The following NPHS2 variants were observed in gnomAD, a reference collection of about 807,000 sequenced individuals.
The protein encoded by NPHS2 is NPHS2 stomatin family member, podocin, also known as podocin.
A neutral mutation model predicts 37.1 loss-of-function variants in NPHS2; 36 were observed. That is an observed-to-expected ratio of 0.97 (90% CI 0.74 to 1.28). The LOEUF (loss-of-function observed/expected upper bound fraction) is 1.28, where lower values mean the gene tolerates loss of function less well. Ranked by LOEUF, NPHS2 falls within the 50% of genes most tolerant of loss-of-function variation. NPHS2 has a pLI of 0.00. For synonymous variants in NPHS2, 196 were observed against 189.3 expected (o/e 1.04, Z -0.29); for missense variants, 447 against 488.1 (o/e 0.92, Z 0.79).
At chr1:179,568,495 A>C (rs1157359274) in intron 1 of NPHS2, among the ~76,000 whole-genome samples, 1 of 152,172 alleles carries the variant, frequency 6.6e-6, no homozygotes. Context: ...CTTTTCAAAA[A>C]ACCAGCTCCT....
chr1:179,571,894 C>A (rs574568103), intron 1 of NPHS2, among the ~76,000 whole-genome samples: 1 of 152,316 alleles, frequency 6.6e-6, no homozygotes, highest in South Asian at 2.1e-4. Flanking sequence ...GAGAGGATCA[C>A]CTTGTCTGCA....
intron 6 of NPHS2, 109 bp downstream of exon 6, chr1:179,554,367 G>A: frequency 1.6e-6 from 2 of 1,274,250 alleles, no homozygotes; most frequent in Non-Finnish European, 2.3e-6. Context: ...AATTTATGCT[G>A]ATATGGCTAT....
chr1:179,569,052 A>G (rs1410514494), intron 1 of NPHS2, among the ~76,000 whole-genome samples: 1 of 152,188 alleles, frequency 6.6e-6, no homozygotes, highest in Non-Finnish European at 1.5e-5. Flanking sequence ...AGAGTTCTGT[A>G]GATGCCTATT....
chr1:179,553,260 C>T (rs964940436), intron 6 of NPHS2, among the ~76,000 whole-genome samples: 3 of 152,186 alleles, frequency 2.0e-5, no homozygotes, highest in African/African-American at 7.2e-5. Flanking sequence ...CTTCTAGATA[C>T]AGACCCAAGA....
intron 1 of NPHS2, among the ~76,000 whole-genome samples, chr1:179,570,938 C>A (rs1558352639): frequency 6.6e-6 from 1 of 152,168 alleles, no homozygotes; most frequent in Admixed American, 6.5e-5. Context: ...CTTCTCTATA[C>A]TGTTTATTCT....
At chr1:179,560,744 T>C (rs1199429300) in intron 3 of NPHS2, among the ~76,000 whole-genome samples, 1 of 152,188 alleles carries the variant, frequency 6.6e-6, no homozygotes, top group Non-Finnish European at 1.5e-5. Context: ...TCTCCCATAA[T>C]GAGCTTGGAC....
rs1558344689 is a variant in NPHS2 at position 179,557,051 on chromosome 1, CCTCTCTAGA to C, written c.705_713del (p.Leu236_Arg238del). On this transcript the variant is annotated inframe_deletion, in exon 5 of 8. Transcript: ENST00000367615. ...CCTTTGCATCTTGGGCGATGCTCTTCCTCTCTAGAAGAATTTCAGTGAGGGATCGATGTG... is the reference window on the plus strand; with the variant it reads ...CCTTTGCATCTTGGGCGATGCTCTTCAGAATTTCAGTGAGGGATCGATGTG... 2.5e-6 allele frequency: 4 copies of C among 1,613,922 alleles called. No homozygotes were observed. The South Asian group carries it at 4.4e-5, about 18-fold the overall frequency.
chr1:179,550,903 C>T lies in NPHS2; in HGVS notation c.*270G>A. On this transcript the variant is annotated 3_prime_UTR_variant, in exon 8 of 8. Coordinates refer to ENST00000367615, the MANE Select transcript of NPHS2 (RefSeq NM_014625.4). The stretch of plus-strand genomic sequence containing the variant: ...AAGTCAAAATTTAACCACATCTAGA[C>T]TCAAAATTCTTTCCAAAGTAGAATG... 2 of 488,132 alleles carry T rather than the reference C, an allele frequency of 4.1e-6. No homozygotes were observed. The highest frequency in any genetic ancestry group is 7.9e-5 in the East Asian group (2 of 25,378). The allele number at this position is 488,132 out of a possible 1,614,324, so 30.2% of individuals were successfully genotyped here.
intron 1 of NPHS2, among the ~76,000 whole-genome samples, chr1:179,569,596 G>A (rs1674475150): frequency 1.3e-5 from 2 of 152,128 alleles, no homozygotes; most frequent in African/African-American, 4.8e-5. Context: ...GATGTTTGCT[G>A]GTTATTTTGC....
rs1483769371 is a variant in NPHS2 at position 179,559,678 on chromosome 1, C to T, written c.534+1G>A. ...AAAGCAAAAGCCATCATTTGGCTTA[C>T]CTCATGAAAAGGTATCTCCAGAGTT... On this transcript the variant is annotated splice_donor_variant, in intron 4 of 7. Coordinates refer to ENST00000367615, the MANE Select transcript of NPHS2 (RefSeq NM_014625.4). LOFTEE classifies it high-confidence loss of function. The T allele has an allele frequency of 6.3e-7, 1 of 1,575,472 alleles. No homozygotes were observed. The highest frequency in any genetic ancestry group is 1.2e-5 in the South Asian group (1 of 86,712).
At chr1:179,575,509 G>A in intron 1 of NPHS2, 82 bp downstream of exon 1, 1 of 1,567,914 alleles carries the variant, frequency 6.4e-7, no homozygotes, top group South Asian at 1.1e-5. Flanking sequence ...AGTGGGTCTC[G>A]TGGGGATGAC....
intron 1 of NPHS2, among the ~76,000 whole-genome samples, chr1:179,565,804 G>T (rs1349904145): frequency 7.0e-6 from 1 of 141,994 alleles, no homozygotes; most frequent in African/African-American, 2.7e-5. Flanking sequence ...TCCCATCTAT[G>T]AGTGAAAACA....
In NPHS2 at chr1:179,552,687, A is replaced by G; in HGVS notation, c.795-6T>C. 6.2e-7 allele frequency: 1 copy of G among 1,612,288 alleles called. No individual in the cohort carries two copies. Among genetic ancestry groups the G allele is most frequent in the Non-Finnish European group, 8.5e-7 (1 of 1,178,480 alleles). On this transcript the variant is annotated splice_polypyrimidine_tract_variant and splice_region_variant and intron_variant, in intron 6 of 7. Coordinates refer to ENST00000367615, the MANE Select transcript of NPHS2 (RefSeq NM_014625.4). ...CTGGCAACCTCACATCTTTACTGAA[A>G]AAGAAAGAATGCAGGTATGTAGGTG...
intron 5 of NPHS2, among the ~76,000 whole-genome samples, chr1:179,555,594 G>A (rs1008426237): frequency 6.6e-5 from 10 of 152,192 alleles, no homozygotes; most frequent in African/African-American, 2.4e-4. Context: ...GTGAGAGTAA[G>A]GAATGTTGAT....
At chr1:179,551,794 G>A in intron 7 of NPHS2, 1 of 302,358 alleles carries the variant, frequency 3.3e-6, no homozygotes, top group South Asian at 4.0e-5. Context: ...ATGAAAGGGT[G>A]ACCCCCAACT....
chr1:179,571,926 A>C (rs1674577783), intron 1 of NPHS2, among the ~76,000 whole-genome samples: 1 of 152,178 alleles, frequency 6.6e-6, no homozygotes, highest in South Asian at 2.1e-4. Flanking sequence ...GCTTGGGAAA[A>C]GCACAGTATT....
intron 1 of NPHS2, among the ~76,000 whole-genome samples, chr1:179,572,315 A>G (rs1674595755): frequency 1.3e-5 from 2 of 152,342 alleles, no homozygotes; most frequent in Middle Eastern, 3.4e-3. Context: ...TAACACCTCC[A>G]TTAAGGTGTT....
Position 179,557,100 on chromosome 1 carries a change from A to G in NPHS2, c.665T>C (p.Met222Thr). 1 of 1,614,152 alleles carries G rather than the reference A, an allele frequency of 6.2e-7. No individual in the cohort carries two copies. The highest frequency in any genetic ancestry group is 1.1e-5 in the South Asian group (1 of 91,082). The change falls in exon 5 of 8, where the codon ATG (methionine) becomes ACG (threonine). Residue 222 changes from methionine to threonine, a missense_variant. Transcript: ENST00000367615. ...KAVQFLVQTTMKRLLAHRSLT... is the reference protein window; with the variant it reads ...KAVQFLVQTTTKRLLAHRSLT... ...GGATCGATGTGCTAGGAGACGCTTCATAGTGGTTTGCACAAGGAATTGCAC... is the reference window on the plus strand; with the variant it reads ...GGATCGATGTGCTAGGAGACGCTTCGTAGTGGTTTGCACAAGGAATTGCAC...
chr1:179,552,141 T>C, intron 7 of NPHS2: 1 of 182,282 alleles, frequency 5.5e-6, no homozygotes, highest in Non-Finnish European at 1.2e-5. Context: ...CTGTCATGCC[T>C]GAGTGGAGCC....
Sources: allele counts gnomAD v4.1 joint callset (sites outside exome capture counted in the v4.1 genomes callset), GRCh38; gene constraint gnomAD v4.1.1; transcripts MANE v1.5; gene names NCBI Gene and HGNC (gene_info 2026-07-23, HGNC 2026-07-21).